The following OSBPL10 variants were observed in gnomAD, a reference collection of about 807,000 sequenced individuals.
OSBPL10 encodes oxysterol binding protein like 10.
A neutral mutation model predicts 81.7 loss-of-function variants in OSBPL10; 49 were observed. The ratio of observed to expected loss-of-function variants is 0.60; its 90% confidence interval spans 0.48 to 0.76. OSBPL10 has a LOEUF of 0.76. Ranked by LOEUF, OSBPL10 falls within the 30% of genes least tolerant of loss-of-function variation. The pLI is 0.00. For missense variants in OSBPL10, 923 were observed against 987.8 expected (o/e 0.93, Z 0.88); for synonymous variants, 419 against 383.6 (o/e 1.09, Z -1.08).
intron 1 of OSBPL10, among the ~76,000 whole-genome samples, chr3:31,894,156 C>T (rs1024932291): frequency 4.6e-5 from 7 of 152,134 alleles, no homozygotes; most frequent in African/African-American, 1.7e-4. Flanking sequence ...TACCTTACTC[C>T]AAGAAATGTC....
chr3:31,702,428 G>A lies in OSBPL10; in HGVS notation c.1176C>T (p.Val392=). Residue 392 remains valine (V), a synonymous_variant, in exon 7 of 12, where the codon GTC becomes GTT. Transcript: ENST00000396556. ...GAATTATACTACGCTGATCCTCCAT[G>A]ACGCCCAATTCCGTCTCTTCCTTAT... ...NEDKEETELG[V]MEDQRSIILH... The A allele has an allele frequency of 6.2e-7, 1 of 1,614,180 alleles. No individual in the cohort carries two copies.
intron 4 of OSBPL10, among the ~76,000 whole-genome samples, chr3:31,813,471 T>A (rs1326549196): frequency 6.6e-6 from 1 of 152,210 alleles, no homozygotes; most frequent in Non-Finnish European, 1.5e-5. Context: ...GTCTATAAAA[T>A]GACACATAGG....
chr3:31,823,730 C>G (rs11707569), intron 4 of OSBPL10, among the ~76,000 whole-genome samples: 2 of 151,896 alleles, frequency 1.3e-5, no homozygotes, highest in Non-Finnish European at 2.9e-5. Flanking sequence ...TTGTTTTGTA[C>G]GAAGTCTTTG....
At chr3:32,050,080 A>T (rs1336418339) in intron 1 of OSBPL10, among the ~76,000 whole-genome samples, 1 of 152,202 alleles carries the variant, frequency 6.6e-6, no homozygotes, top group Non-Finnish European at 1.5e-5. Flanking sequence ...AACTGGATGA[A>T]GTTTCCCTCT....
chr3:31,745,633 A>G (rs915349554), intron 5 of OSBPL10, among the ~76,000 whole-genome samples: 4 of 152,204 alleles, frequency 2.6e-5, no homozygotes, highest in African/African-American at 9.7e-5. Flanking sequence ...CGCCTGCCAC[A>G]GTGGAAAGAG....
chr3:31,868,490 C>T (rs927722871), intron 3 of OSBPL10, among the ~76,000 whole-genome samples: 4 of 152,106 alleles, frequency 2.6e-5, no homozygotes, highest in Non-Finnish European at 5.9e-5. Flanking sequence ...AAGTGATAAG[C>T]ATCACTGTCT....
chr3:31,988,960 T>C lies in OSBPL10; in HGVS notation n.298+57531A>G, dbSNP rs1575079156. 5.3e-6 allele frequency: 7 copies of C among 1,331,922 alleles called. No homozygotes were observed. In the South Asian group the frequency reaches 8.4e-5, roughly 16 times the overall value. 82.5% of individuals were successfully genotyped at this position (1,331,922 alleles called of 1,614,324 possible). On this transcript the variant is annotated intron_variant and non_coding_transcript_variant, in intron 2 of 3. Coordinates refer to the OSBPL10 transcript ENST00000479173. ...GCGACTGTGAGATAATCAGTGTTTG[T>C]TGCCTTAAGCCACGAAGTTTGTGAT...
chr3:31,964,704 A>AAATGAAAT (rs1698264249), intron 1 of OSBPL10, among the ~76,000 whole-genome samples: 1 of 152,196 alleles, frequency 6.6e-6, no homozygotes. Flanking sequence ...TGAAATAAAC[A>AAATGAAAT]ACACCCTGGC....
upstream of OSBPL10, among the ~76,000 whole-genome samples, chr3:31,986,011 G>A (rs1449943955): frequency 1.3e-5 from 2 of 152,140 alleles, no homozygotes; most frequent in East Asian, 1.9e-4. Flanking sequence ...CTTAGCCACC[G>A]TATTATACCA....
rs73823919 is a variant in OSBPL10 at position 31,988,935 on chromosome 3, G to T, written n.298+57556C>A. On this transcript the variant is annotated intron_variant and non_coding_transcript_variant, in intron 2 of 3. Transcript: ENST00000479173. ...AAGTGCCTCCAAACCCCGACCCACA[G>T]CGACTGTGAGATAATCAGTGTTTGT... is the stretch of plus-strand genomic sequence containing the variant. 1.6e-3 allele frequency: 1,770 copies of T among 1,082,230 alleles called. 15 individuals are homozygous for T. The African/African-American group carries it at 0.023, about 14-fold the overall frequency. The allele number at this position is 1,082,230 out of a possible 1,614,324, so 67.0% of individuals were successfully genotyped here.
chr3:32,010,718 C>T (rs1286672242), intron 2 of OSBPL10, among the ~76,000 whole-genome samples: 3 of 152,174 alleles, frequency 2.0e-5, no homozygotes, highest in East Asian at 3.9e-4. Flanking sequence ...CAGATGGCAC[C>T]TGGAAAATCA....
intron 1 of OSBPL10, among the ~76,000 whole-genome samples, chr3:31,906,282 T>C (rs1323112392): frequency 2.6e-5 from 4 of 152,154 alleles, no homozygotes; most frequent in African/African-American, 9.7e-5. Context: ...CAAAAAAAAC[T>C]GGGAAATCCT....
chr3:31,896,463 C>T (rs1696060619), intron 1 of OSBPL10, among the ~76,000 whole-genome samples: 1 of 152,164 alleles, frequency 6.6e-6, no homozygotes, highest in Non-Finnish European at 1.5e-5. Context: ...GAGAACGTGC[C>T]CATCTCCAGC....
intron 7 of OSBPL10, among the ~76,000 whole-genome samples, chr3:31,689,842 A>T (rs11916389): frequency 6.6e-6 from 1 of 151,982 alleles, no homozygotes; most frequent in Non-Finnish European, 1.5e-5. Context: ...TTTTCTTCCC[A>T]GTCTCAGGTA....
At chr3:31,925,085 C>T (rs929906536) in intron 1 of OSBPL10, among the ~76,000 whole-genome samples, 1 of 152,144 alleles carries the variant, frequency 6.6e-6, no homozygotes, top group Non-Finnish European at 1.5e-5. Context: ...ACCAAAAAAA[C>T]TCAGCCAAGG....
intron 4 of OSBPL10, among the ~76,000 whole-genome samples, chr3:31,785,057 G>A (rs13081707): frequency 0.53 from 79,562 of 151,532 alleles, 23,293 homozygotes; most frequent in East Asian, 0.8. Context: ...GTTAATTTTT[G>A]TATTTTTAGT....
At chr3:31,899,859 C>G (rs1020582946) in intron 1 of OSBPL10, among the ~76,000 whole-genome samples, 1 of 152,018 alleles carries the variant, frequency 6.6e-6, no homozygotes, top group African/African-American at 2.4e-5. Flanking sequence ...TGGCACACAC[C>G]TGTGGTCCCA....
intron 6 of OSBPL10, among the ~76,000 whole-genome samples, chr3:31,725,332 T>C (rs1696774947): frequency 6.6e-6 from 1 of 152,174 alleles, no homozygotes; most frequent in African/African-American, 2.4e-5. Context: ...TAGTGAGTCC[T>C]AAGGGTCTGA....
intron 3 of OSBPL10, among the ~76,000 whole-genome samples, chr3:31,868,474 T>C (rs1375897882): frequency 2.0e-5 from 3 of 152,090 alleles, no homozygotes; most frequent in Non-Finnish European, 2.9e-5. Flanking sequence ...CAAGCGCTAC[T>C]TGAGGAAGTG....
Sources: gnomAD v4.1 joint callset for allele counts (sites outside exome capture counted in the v4.1 genomes callset) on GRCh38, gnomAD v4.1.1 for gene constraint, MANE v1.5 for transcripts, NCBI Gene and HGNC (gene_info 2026-07-23, HGNC 2026-07-21) for gene names.